The following SFSWAP variants were observed in gnomAD, a reference collection of about 807,000 sequenced individuals.
The protein encoded by SFSWAP is splicing factor SWAP.
In SFSWAP, 17 loss-of-function variants were observed where a neutral mutation model predicts 100.7. The ratio of observed to expected loss-of-function variants is 0.17; its 90% CI spans 0.12 to 0.25. The LOEUF (loss-of-function observed/expected upper bound fraction) is 0.25. Ranked by LOEUF, SFSWAP falls within the 10% of genes least tolerant of loss-of-function variation. SFSWAP has a pLI of 1.00. For missense variants in SFSWAP, 1,005 were observed against 1,262.6 expected (o/e 0.80, Z 3.09); for synonymous variants, 504 against 510.1 (o/e 0.99, Z 0.16).
rs138640311 is a variant in SFSWAP at position 131,725,387 on chromosome 12, ATG to A, written c.607-12_607-11del. The A allele has an allele frequency of 0.42, 677,106 of 1,605,176 alleles. 146,467 individuals are homozygous for A. Among genetic ancestry groups the A allele is most frequent in the Non-Finnish European group, 0.45 (523,360 of 1,172,146 alleles). ...AAGAGGACAAATGGGTGACGTGAAT[ATG>A]TGTGTTTTCCCGTAGCCACCAACCG... On this transcript the variant is annotated splice_polypyrimidine_tract_variant and intron_variant, in intron 4 of 17. Coordinates refer to ENST00000261674, the MANE Select transcript of SFSWAP (RefSeq NM_004592.4). This position sits in a 1 kb window ranked among gnomAD's most constrained non-coding sequence, Gnocchi z 4.3.
intron 11 of SFSWAP, among the ~76,000 whole-genome samples, chr12:131,761,899 G>A (rs1882707788): frequency 1.3e-5 from 2 of 152,122 alleles, no homozygotes; most frequent in African/African-American, 4.8e-5. Flanking sequence ...GAGGCCTGTG[G>A]GCTGTGTGCC....
At chr12:131,785,203 G>A (rs761786553) in intron 14 of SFSWAP, 119 of 1,535,368 alleles carry the variant, frequency 7.8e-5, no homozygotes, top group Admixed American at 2.6e-4. Flanking sequence ...GAGCTCTTTT[G>A]AGGGAAAACC....
intron 4 of SFSWAP, among the ~76,000 whole-genome samples, chr12:131,724,594 A>G (rs1311789343): frequency 6.6e-6 from 1 of 152,230 alleles, no homozygotes; most frequent in Admixed American, 6.5e-5. Context: ...CCTAGTGTTA[A>G]TCTCTTTGTT....
chr12:131,729,338 G>A (rs954059401), intron 7 of SFSWAP, among the ~76,000 whole-genome samples: 1 of 151,636 alleles, frequency 6.6e-6, no homozygotes, highest in Non-Finnish European at 1.5e-5. Context: ...ACCGCATCTT[G>A]ACAAAAAATA....
intron 15 of SFSWAP, among the ~76,000 whole-genome samples, chr12:131,790,250 C>T (rs1885155060): frequency 6.6e-6 from 1 of 152,314 alleles, no homozygotes. Context: ...GGCAACCCTT[C>T]CAAGTCAGTT....
chr12:131,791,152 G>A (rs2136276631), intron 15 of SFSWAP, among the ~76,000 whole-genome samples: 1 of 152,336 alleles, frequency 6.6e-6, no homozygotes. Context: ...CAGCACTTCA[G>A]GAGGCCAAGG....
At chr12:131,744,306 T>C (rs931778006) in intron 7 of SFSWAP, among the ~76,000 whole-genome samples, 2 of 152,222 alleles carry the variant, frequency 1.3e-5, no homozygotes, top group Non-Finnish European at 2.9e-5. Flanking sequence ...TAAAACTGAA[T>C]GCCTTTAACA....
Position 131,753,308 on chromosome 12 carries a change from C to T in SFSWAP, c.1267C>T (p.Pro423Ser). The change falls in exon 8 of 18, where the codon CCC becomes TCC. Residue 423 changes from proline to serine, a missense_variant. Coordinates refer to ENST00000261674, the MANE Select transcript of SFSWAP (RefSeq NM_004592.4). Reference protein sequence around the residue: ...PPPPGTTPLPPPTTAETSSGA... With the variant: ...PPPPGTTPLPSPTTAETSSGA... ...ACCTCCTGGGACCACACCACTACCG[C>T]CCCCAACCACAGCAGAGACTAGCAG... 3.1e-6 allele frequency: 5 copies of T among 1,611,054 alleles called. No homozygotes were observed. The highest frequency in any genetic ancestry group is 4.2e-6 in the Non-Finnish European group (5 of 1,177,356).
At chr12:131,744,979 C>T (rs765848288) in intron 7 of SFSWAP, among the ~76,000 whole-genome samples, 52 of 152,164 alleles carry the variant, frequency 3.4e-4, no homozygotes, top group Non-Finnish European at 1.0e-4. Context: ...AGACCCACCC[C>T]CATAATTCTG....
chr12:131,762,960 C>T (rs1882801315), intron 11 of SFSWAP, among the ~76,000 whole-genome samples: 1 of 152,084 alleles, frequency 6.6e-6, no homozygotes, highest in Non-Finnish European at 1.5e-5. Context: ...ACATAATGAC[C>T]ACTCACGCCC....
At position 131,766,296 on chromosome 12, in the gene SFSWAP, T is replaced by G. The variant is rs751309007; in HGVS notation, c.2130T>G (p.Pro710=). The G allele has an allele frequency of 1.2e-6, 2 of 1,614,056 alleles. No homozygotes were observed. Among genetic ancestry groups the G allele is most frequent in the South Asian group, 2.2e-5 (2 of 91,080 alleles). ...EAEAGKIEES[P]FSVEESSTTP... The stretch of plus-strand genomic sequence containing the variant: ...AAGCTGGGAAAATTGAGGAGAGTCC[T>G]TTCAGTGTCGAGGTATAGTAAAATC... The change falls in exon 13 of 18, where the codon CCT becomes CCG. Residue 710 remains proline (P), a synonymous_variant. Coordinates refer to ENST00000261674, the MANE Select transcript of SFSWAP (RefSeq NM_004592.4).
chr12:131,714,364 G>A lies in SFSWAP; in HGVS notation c.388+124G>A, dbSNP rs1000697008. On this transcript the variant is annotated intron_variant, in intron 2 of 17. Coordinates refer to ENST00000261674, the MANE Select transcript of SFSWAP (RefSeq NM_004592.4). This position sits in a 1 kb window ranked among gnomAD's most constrained non-coding sequence, Gnocchi z 6.0. The stretch of plus-strand genomic sequence containing the variant: ...GATATTATCTTGACAGTACCCAGTG[G>A]ATTGGAAAAACAGGAGTCTTTGCGT... The A allele has an allele frequency of 1.2e-6, 1 of 802,788 alleles. No homozygotes were observed. The highest frequency in any genetic ancestry group is 1.9e-6 in the Non-Finnish European group (1 of 525,044). The allele number at this position is 802,788 out of a possible 1,614,324, so 49.7% of individuals were successfully genotyped here. A position where few individuals can be genotyped will look rare whatever the true frequency, so the allele number is the denominator to read the frequency against.
chr12:131,777,429 T>C (rs895323970), intron 13 of SFSWAP, among the ~76,000 whole-genome samples: 4 of 152,206 alleles, frequency 2.6e-5, no homozygotes, highest in Admixed American at 2.6e-4. Context: ...TTGCTGAGAA[T>C]GATGGTTTCC....
rs564702010 is a variant in SFSWAP at position 131,747,983 on chromosome 12, G to A, written c.1082-5140G>A. Among the ~76,000 whole-genome samples the A allele has an allele frequency of 3.8e-4, 58 of 152,294 alleles. No homozygotes were observed. The South Asian group carries it at 9.3e-3, about 24-fold the overall frequency. On this transcript the variant is annotated intron_variant, in intron 7 of 17. Transcript: ENST00000261674. ...GGAAAAGAGACCGAGAGGCATGGCC[G>A]CTGCCGAGGAAGAGCCTGGGGCTGT...
chr12:131,727,535 C>G (rs559109614), intron 6 of SFSWAP, among the ~76,000 whole-genome samples: 1 of 152,100 alleles, frequency 6.6e-6, no homozygotes, highest in Non-Finnish European at 1.5e-5. Flanking sequence ...GTTCCAGCTA[C>G]TCGGGAGGCT....
chr12:131,734,225 G>T lies in SFSWAP; in HGVS notation c.1081+5797G>T, dbSNP rs936707206. 3.9e-5 allele frequency among the ~76,000 whole-genome samples: 6 copies of T among 152,330 alleles called. No individual in the cohort carries two copies. In the South Asian group the frequency reaches 1.0e-3, roughly 26 times the overall value. ...GGACTTGAAGGCTGACGTTGGGCTG[G>T]GTGTGGCTCGTACATAGGACAGGGC... On this transcript the variant is annotated intron_variant, in intron 7 of 17. Coordinates refer to ENST00000261674, the MANE Select transcript of SFSWAP (RefSeq NM_004592.4). The surrounding 1 kb of genome is among the most constrained non-coding windows in gnomAD (Gnocchi z 4.9).
Position 131,778,354 on chromosome 12 carries a change from T to C in SFSWAP, c.2408+24T>C. The C allele has an allele frequency of 6.2e-7, 1 of 1,604,252 alleles. No individual in the cohort carries two copies. Among genetic ancestry groups the C allele is most frequent in the Non-Finnish European group, 8.5e-7 (1 of 1,174,706 alleles). ...AGGTGGGTGTGAAGGGGGCAGCACC[T>C]CTGGTACCCTCATGACCCCCATGTC... On this transcript the variant is annotated intron_variant, in intron 14 of 17. Transcript: ENST00000261674. The surrounding 1 kb of genome is among the most constrained non-coding windows in gnomAD (Gnocchi z 4.2).
intron 15 of SFSWAP, among the ~76,000 whole-genome samples, chr12:131,792,512 TAC>T (rs1046647950): frequency 2.4e-5 from 3 of 126,878 alleles, no homozygotes; most frequent in Admixed American, 7.7e-5. Flanking sequence ...TGTGTGTGCA[TAC>T]GTGTGTGTTC....
At chr12:131,728,503 C>T in intron 7 of SFSWAP, 75 bp downstream of exon 7, 1 of 1,499,714 alleles carries the variant, frequency 6.7e-7, no homozygotes, top group Non-Finnish European at 9.2e-7. Context: ...CTCTAAACCC[C>T]AAGTGTTCTG....
Sources: allele counts gnomAD v4.1 joint callset (sites outside exome capture counted in the v4.1 genomes callset), GRCh38; gene constraint gnomAD v4.1.1; non-coding constraint Gnocchi (gnomAD v3.1); transcripts MANE v1.5; gene names NCBI Gene and HGNC (gene_info 2026-07-23, HGNC 2026-07-21).